SLC13A3: variants seen among roughly 807,000 people sequenced by gnomAD.
SLC13A3 encodes solute carrier family 13 member 3.
SLC13A3 carries 40 observed loss-of-function variants against 59.0 expected under a neutral mutation model. The ratio of observed to expected loss-of-function variants is 0.68; its 90% CI spans 0.53 to 0.88. The LOEUF (loss-of-function observed/expected upper bound fraction) is 0.88. SLC13A3 is among the 40% of genes least tolerant of loss of function. The pLI, the probability that SLC13A3 is intolerant of heterozygous loss-of-function variation, is 0.00. For missense variants in SLC13A3, 699 were observed against 783.2 expected, an observed-to-expected ratio of 0.89 and a Z score of 1.28; for synonymous variants, 317 against 330.3, an observed-to-expected ratio of 0.96 and a Z score of 0.44.
In SLC13A3 at chr20:46,584,705, T is replaced by G. The variant is rs150899733; in HGVS notation, c.1122-1036A>C. Among the ~76,000 whole-genome samples, 6 of 152,324 alleles carry G rather than the reference T, an allele frequency of 3.9e-5. No homozygotes were observed. In the East Asian group the frequency reaches 1.2e-3, roughly 29 times the overall value. The stretch of plus-strand genomic sequence containing the variant: ...AGTGAAAGAATAAACCAGTTTAACC[T>G]CCTGGGGCATTTGGCAACATGTTTC... On this transcript the variant is annotated intron_variant, in intron 8 of 12. Transcript: ENST00000279027.
chr20:46,585,658 A>G (rs1320619886), intron 8 of SLC13A3: 2 of 1,285,526 alleles, frequency 1.6e-6, no homozygotes, highest in East Asian at 5.6e-5. Flanking sequence ...AAGTCAGGAA[A>G]GATGTATATC....
At chr20:46,673,700 C>G (rs77835696), upstream of SLC13A3, 1 of 152,178 alleles carries the variant, frequency 6.6e-6, no homozygotes, top group South Asian at 2.1e-4. Context: ...CATGATTCGT[C>G]GTCTGAAAGT....
chr20:46,597,619 T>C (rs1003327772), intron 4 of SLC13A3, among the ~76,000 whole-genome samples: 2 of 152,108 alleles, frequency 1.3e-5, no homozygotes, highest in Non-Finnish European at 2.9e-5. Flanking sequence ...GTATTTTTAG[T>C]AGAGACAGGG....
chr20:46,643,644 A>T (rs886098266), intron 1 of SLC13A3, among the ~76,000 whole-genome samples: 1 of 152,220 alleles, frequency 6.6e-6, no homozygotes, highest in African/African-American at 2.4e-5. Context: ...CTTTGTTGAG[A>T]GCTAGCTACG....
At chr20:46,581,227 A>G (rs1431567369) in intron 9 of SLC13A3, among the ~76,000 whole-genome samples, 1 of 152,146 alleles carries the variant, frequency 6.6e-6, no homozygotes, top group Non-Finnish European at 1.5e-5. Context: ...CGCCTTCCCC[A>G]TGGGCCCAGC....
At position 46,575,599 on chromosome 20, in the gene SLC13A3, C is replaced by A; in HGVS notation, c.1306G>T (p.Gly436Cys). 1 of 1,605,378 alleles carries A rather than the reference C, an allele frequency of 6.2e-7. No homozygotes were observed. Among genetic ancestry groups the A allele is most frequent in the African/African-American group, 1.3e-5 (1 of 74,858 alleles). The change falls in exon 10 of 13, where the codon GGC becomes TGC. Residue 436 changes from glycine to cysteine, a missense_variant. Gly to Cys is a radical substitution (Grantham distance 159). Coordinates refer to ENST00000279027, the MANE Select transcript of SLC13A3 (RefSeq NM_022829.6). Reference protein sequence around the residue: ...PWNIILLLGGGFAMAKGCEES... With the variant: ...PWNIILLLGGCFAMAKGCEES... ...TCACAGCCTTTGGCCATGGCGAAGCCCCCTCCCAGGAGAAGGATGATGTTC... is the reference window on the plus strand; with the variant it reads ...TCACAGCCTTTGGCCATGGCGAAGCACCCTCCCAGGAGAAGGATGATGTTC...
chr20:46,567,845 GTCCCC>G (rs1600495949), intron 10 of SLC13A3, among the ~76,000 whole-genome samples: 1 of 152,116 alleles, frequency 6.6e-6, no homozygotes, highest in East Asian at 1.9e-4. Flanking sequence ...GCTCAATGCT[GTCCCC>G]TGGTGCAACT....
intron 10 of SLC13A3, among the ~76,000 whole-genome samples, chr20:46,572,577 G>C (rs1325221597): frequency 6.6e-6 from 1 of 152,182 alleles, no homozygotes; most frequent in Non-Finnish European, 1.5e-5. Context: ...AGATCACTGA[G>C]GTAAATGGCA....
upstream of SLC13A3, among the ~76,000 whole-genome samples, chr20:46,654,154 G>T (rs2062969196): frequency 6.6e-6 from 1 of 152,152 alleles, no homozygotes; most frequent in South Asian, 2.1e-4. Flanking sequence ...TAGGTGTGAA[G>T]TGGTATCCCA....
intron 1 of SLC13A3, among the ~76,000 whole-genome samples, chr20:46,663,402 G>A (rs2063043127): frequency 6.6e-6 from 1 of 151,238 alleles, no homozygotes; most frequent in African/African-American, 2.4e-5. Flanking sequence ...CTATAATTGT[G>A]CCACTACACT....
At position 46,613,412 on chromosome 20, in the gene SLC13A3, G is replaced by A. The variant is rs375042624; in HGVS notation, c.377+48C>T. ...AGCAGGTATAGGCTCCAGAGGTGTG[G>A]TCCCTCTGCCTCTCCGCTGTAGGGC... On this transcript the variant is annotated intron_variant, in intron 2 of 12. Coordinates refer to ENST00000279027, the MANE Select transcript of SLC13A3 (RefSeq NM_022829.6). The A allele has an allele frequency of 1.4e-3, 2,116 of 1,499,104 alleles. 33 individuals carry two copies. The South Asian group carries it at 0.019, about 13-fold the overall frequency. 92.9% of individuals were successfully genotyped at this position (1,499,104 alleles called of 1,614,324 possible).
chr20:46,658,549 C>T (rs2063008849), intron 1 of SLC13A3, among the ~76,000 whole-genome samples: 1 of 152,166 alleles, frequency 6.6e-6, no homozygotes, highest in African/African-American at 2.4e-5. Flanking sequence ...GGTGTGGTGG[C>T]TCACACCTGT....
chr20:46,605,412 A>C (rs905189711), intron 3 of SLC13A3, among the ~76,000 whole-genome samples: 1 of 152,026 alleles, frequency 6.6e-6, no homozygotes, highest in Non-Finnish European at 1.5e-5. Flanking sequence ...CCCCAGAGAG[A>C]CTTCTCTGGG....
At chr20:46,627,423 A>G (rs1352688587) in intron 1 of SLC13A3, among the ~76,000 whole-genome samples, 1 of 152,112 alleles carries the variant, frequency 6.6e-6, no homozygotes, top group South Asian at 2.1e-4. Flanking sequence ...AGGGGCGGGG[A>G]CTGTGGTGAA....
chr20:46,669,833 C>A (rs1207329712), intron 1 of SLC13A3, among the ~76,000 whole-genome samples: 1 of 152,188 alleles, frequency 6.6e-6, no homozygotes, highest in Non-Finnish European at 1.5e-5. Context: ...AATTTTTCAA[C>A]TTTACAATGG....
intron 1 of SLC13A3, among the ~76,000 whole-genome samples, chr20:46,642,267 G>C (rs1179563746): frequency 6.6e-6 from 1 of 152,226 alleles, no homozygotes; most frequent in Non-Finnish European, 1.5e-5. Flanking sequence ...AGGTGGGCAG[G>C]AGCTGGATGA....
At chr20:46,650,380 G>A (rs2062940891) in intron 1 of SLC13A3, among the ~76,000 whole-genome samples, 1 of 152,102 alleles carries the variant, frequency 6.6e-6, no homozygotes, top group South Asian at 2.1e-4. Flanking sequence ...TGGAAAATGG[G>A]TCAAATAATC....
At chr20:46,567,697 G>A (rs2061992739) in intron 10 of SLC13A3, among the ~76,000 whole-genome samples, 1 of 152,048 alleles carries the variant, frequency 6.6e-6, no homozygotes, top group South Asian at 2.1e-4. Flanking sequence ...TTCTCCAGAA[G>A]CTACCCTATT....
chr20:46,562,890 G>T (rs1600489270), intron 12 of SLC13A3, among the ~76,000 whole-genome samples: 1 of 152,198 alleles, frequency 6.6e-6, no homozygotes, highest in Non-Finnish European at 1.5e-5. Flanking sequence ...GACAGCTTTG[G>T]AAGGGTTATT....
Sources: gnomAD v4.1 joint callset for allele counts (sites outside exome capture counted in the v4.1 genomes callset) on GRCh38, gnomAD v4.1.1 for gene constraint, MANE v1.5 for transcripts, NCBI Gene and HGNC (gene_info 2026-07-23, HGNC 2026-07-21) for gene names.